ECE1: variants seen among roughly 807,000 people sequenced by gnomAD.
ECE1 encodes the protein endothelin-converting enzyme 1.
Under a neutral mutation model 98.6 loss-of-function variants are expected in ECE1, and 35 were observed. The ratio of observed to expected loss-of-function variants is 0.35; its 90% CI spans 0.27 to 0.47. ECE1 has a LOEUF of 0.47. ECE1 is among the 20% of genes least tolerant of loss of function. ECE1 has a pLI of 1.00. For missense variants in ECE1, 814 were observed against 1,025.3 expected, an observed-to-expected ratio of 0.79 and a Z score of 2.81; for synonymous variants, 394 against 407.1, an observed-to-expected ratio of 0.97 and a Z score of 0.39.
At chr1:21,296,713 G>C (rs1029507339) in intron 1 of ECE1, among the ~76,000 whole-genome samples, 1 of 152,168 alleles carries the variant, frequency 6.6e-6, no homozygotes, top group African/African-American at 2.4e-5. Flanking sequence ...GCCAGAGCTG[G>C]AGCCCAAACC....
chr1:21,224,031 CT>C (rs995922954), intron 17 of ECE1, among the ~76,000 whole-genome samples: 3 of 152,130 alleles, frequency 2.0e-5, no homozygotes, highest in Non-Finnish European at 2.9e-5. Context: ...CTGGAGTGGT[CT>C]GGTCCCCGCA....
chr1:21,345,346 C>T lies in ECE1; in HGVS notation c.3+30G>A. ...CCGCGACCGTCGAGGCTGGGCTGGA[C>T]CGGACCAGACCTCCGCGCGCAGCAC... On this transcript the variant is annotated intron_variant, in intron 1 of 18. Transcript: ENST00000415912. This position sits in a 1 kb window ranked among gnomAD's most constrained non-coding sequence, Gnocchi z 5.1. The T allele has an allele frequency of 2.2e-6, 3 of 1,356,126 alleles. No individual in the cohort carries two copies. In the East Asian group the frequency reaches 1.0e-4, roughly 45 times the overall value. The allele number at this position is 1,356,126 out of a possible 1,614,324, so 84.0% of individuals were successfully genotyped here.
Position 21,330,133 on chromosome 1 carries a change from C to CTT in ECE1, c.3+15241_3+15242dup, listed in dbSNP as rs397860522. On this transcript the variant is annotated intron_variant, in intron 1 of 18. Coordinates refer to the ECE1 transcript ENST00000415912. ...CTCCTGCCCACATACTCACTAAATACTTTTTTTTTTTTTTTTTTTTTTTTG... is the reference window on the plus strand; with the variant it reads ...CTCCTGCCCACATACTCACTAAATACTTTTTTTTTTTTTTTTTTTTTTTTTTG... Among the ~76,000 whole-genome samples, 131 of 86,500 alleles carry CTT rather than the reference C, an allele frequency of 1.5e-3. 11 individuals carry two copies. The highest frequency in any genetic ancestry group is 6.9e-3 in the African/African-American group (117 of 16,878). 56.7% of individuals were successfully genotyped at this position (86,500 alleles called of 152,430 possible). A position where few individuals can be genotyped will look rare whatever the true frequency, so the allele number is the denominator to read the frequency against.
chr1:21,252,954 T>TA (rs1327865607), intron 8 of ECE1, among the ~76,000 whole-genome samples: 9 of 152,248 alleles, frequency 5.9e-5, no homozygotes, highest in Admixed American at 3.3e-4. Flanking sequence ...TACCTCAACT[T>TA]ATTCTCCAAC....
rs1433110383 is a variant in ECE1, at chr1:21,235,195, CAAG to C, written c.1566+652_1566+654del. On this transcript the variant is annotated intron_variant, in intron 13 of 18. Coordinates refer to ENST00000374893, the MANE Select transcript of ECE1 (RefSeq NM_001397.3). This position sits in a 1 kb window ranked among gnomAD's most constrained non-coding sequence, Gnocchi z 4.2. ...TACCTGAATTCAAGTATTTCAATCA[CAAG>C]AAGATATAAAACTTCATAATTTGAG... Among the ~76,000 whole-genome samples the C allele has an allele frequency of 3.3e-5, 5 of 152,172 alleles. No homozygotes were observed. Among genetic ancestry groups the C allele is most frequent in the African/African-American group, 1.2e-4 (5 of 41,446 alleles).
intron 1 of ECE1, among the ~76,000 whole-genome samples, chr1:21,335,706 A>T (rs1490850333): frequency 2.6e-5 from 4 of 152,208 alleles, no homozygotes; most frequent in African/African-American, 9.7e-5. Flanking sequence ...GTCCTTCTGC[A>T]AGCTACAGGC....
rs1449717998 is a variant in ECE1 at position 21,225,865 on chromosome 1, T to A, written c.1850-425A>T. Among the ~76,000 whole-genome samples, 2 of 149,632 alleles carry A rather than the reference T, an allele frequency of 1.3e-5. No individual in the cohort carries two copies. The highest frequency in any genetic ancestry group is 3.9e-4 in the East Asian group (2 of 5,114). ...GCCGCCATGCCTAGCTGATTTCTGT[T>A]TTTTTTTTTAGTAGAGATGGGGTCT... On this transcript the variant is annotated intron_variant, in intron 16 of 18. Transcript: ENST00000374893. This position sits in a 1 kb window ranked among gnomAD's most constrained non-coding sequence, Gnocchi z 5.3.
intron 11 of ECE1, among the ~76,000 whole-genome samples, chr1:21,237,256 T>G (rs185973249): frequency 6.6e-6 from 1 of 152,144 alleles, no homozygotes; most frequent in Non-Finnish European, 1.5e-5. Flanking sequence ...TCTAGAGTAC[T>G]CATGTTCCGA....
intron 17 of ECE1, among the ~76,000 whole-genome samples, chr1:21,222,460 T>A (rs2098168712): frequency 6.6e-6 from 1 of 152,140 alleles, no homozygotes; most frequent in African/African-American, 2.4e-5. Context: ...GCAAACCTTT[T>A]CTGTGGATGG....
At chr1:21,308,750 G>A (rs1413553028) in intron 1 of ECE1, among the ~76,000 whole-genome samples, 2 of 150,934 alleles carry the variant, frequency 1.3e-5, no homozygotes, top group Admixed American at 1.3e-4. Flanking sequence ...GGGTACTGAG[G>A]GGCGAGCTGG....
At chr1:21,253,528 C>T (rs12751705) in intron 8 of ECE1, among the ~76,000 whole-genome samples, 7,845 of 150,276 alleles carry the variant, frequency 0.052, 273 homozygotes, top group Non-Finnish European at 0.078. Context: ...TCTGGGAGGC[C>T]GAGGCGGGCA....
At position 21,260,004 on chromosome 1, in the gene ECE1, CACAG is replaced by C. The variant is rs1310588725; in HGVS notation, c.615+263_615+266del. The stretch of plus-strand genomic sequence containing the variant: ...CCACACACAGATGCACAGAGAGACA[CACAG>C]ACAGATGACAGACATCTACAACAGA... On this transcript the variant is annotated intron_variant, in intron 5 of 18. Coordinates refer to ENST00000374893, the MANE Select transcript of ECE1 (RefSeq NM_001397.3). The surrounding 1 kb of genome is among the most constrained non-coding windows in gnomAD (Gnocchi z 4.3). 3.9e-5 allele frequency among the ~76,000 whole-genome samples: 6 copies of C among 152,236 alleles called. No individual in the cohort carries two copies. Among genetic ancestry groups the C allele is most frequent in the Non-Finnish European group, 8.8e-5 (6 of 68,034 alleles).
chr1:21,258,556 A>T lies in ECE1; in HGVS notation c.762+137T>A. The T allele has an allele frequency of 7.2e-7, 1 of 1,394,178 alleles. No individual in the cohort carries two copies. The highest frequency in any genetic ancestry group is 9.9e-7 in the Non-Finnish European group (1 of 1,010,230). 86.4% of individuals were successfully genotyped at this position (1,394,178 alleles called of 1,614,324 possible). On this transcript the variant is annotated intron_variant, in intron 6 of 18. Coordinates refer to ENST00000374893, the MANE Select transcript of ECE1 (RefSeq NM_001397.3). The surrounding 1 kb of genome is among the most constrained non-coding windows in gnomAD (Gnocchi z 4.2). Reference sequence around the variant, plus strand: ...AGATCTCACCAGTGGGGCCTCTGGAAATAACCCAGGCTCAGAAACTAGAAG... The same window carrying T: ...AGATCTCACCAGTGGGGCCTCTGGATATAACCCAGGCTCAGAAACTAGAAG...
chr1:21,223,381 T>C (rs1180607202), intron 17 of ECE1, among the ~76,000 whole-genome samples: 2 of 152,150 alleles, frequency 1.3e-5, no homozygotes, highest in Admixed American at 1.3e-4. Context: ...CTCTGCCTCC[T>C]GGGTTTAAAA....
rs1278685149 is a variant in ECE1 at position 21,298,520 on chromosome 1, C to A, written c.4-8364G>T. On this transcript the variant is annotated intron_variant, in intron 1 of 18. Transcript: ENST00000415912. ...TGGTGCCGACCCCAAAGGATCCTTA[C>A]ACGTCTTAAAAAAGTGAGCCACGGA... is the stretch of plus-strand genomic sequence containing the variant. 4 of 340,384 alleles carry A rather than the reference C, an allele frequency of 1.2e-5. No homozygotes were observed. The East Asian group carries it at 2.2e-4, about 19-fold the overall frequency. 21.1% of individuals were successfully genotyped at this position (340,384 alleles called of 1,614,324 possible).
rs1558398352 is a variant in ECE1, at chr1:21,264,317, CCCCT to C, written c.494-3929_494-3926del. 1.9e-4 allele frequency among the ~76,000 whole-genome samples: 16 copies of C among 82,514 alleles called. 1 individual carries two copies. The highest frequency in any genetic ancestry group is 1.2e-3 in the Admixed American group (10 of 8,538). 54.1% of individuals were successfully genotyped at this position (82,514 alleles called of 152,430 possible). On this transcript the variant is annotated intron_variant, in intron 4 of 18. Coordinates refer to ENST00000374893, the MANE Select transcript of ECE1 (RefSeq NM_001397.3). Reference sequence around the variant, plus strand: ...CACTGGAATATACCAATTCCCCCCCCCCCTTTTTTTTTTTTGACACTGAGTCTCG... The same window carrying C: ...CACTGGAATATACCAATTCCCCCCCCTTTTTTTTTTTGACACTGAGTCTCG...
intron 1 of ECE1, among the ~76,000 whole-genome samples, chr1:21,297,086 C>T (rs929898376): frequency 1.3e-5 from 2 of 152,208 alleles, no homozygotes; most frequent in Non-Finnish European, 2.9e-5. Flanking sequence ...ACCACTCTGG[C>T]GTGGCCCCGA....
rs1314108959 is a variant in ECE1, at chr1:21,233,277, G to A, written c.1670+281C>T. The A allele has an allele frequency of 1.5e-5, 6 of 388,878 alleles. No homozygotes were observed. Among genetic ancestry groups the A allele is most frequent in the Non-Finnish European group, 2.9e-5 (6 of 207,530 alleles). 24.1% of individuals were successfully genotyped at this position (388,878 alleles called of 1,614,324 possible). ...AGGCTCCAAATCCCAAAGCAGTGGA[G>A]CGGAGACAAGGTGCCAGATCGGCTC... On this transcript the variant is annotated intron_variant, in intron 14 of 18. Coordinates refer to ENST00000374893, the MANE Select transcript of ECE1 (RefSeq NM_001397.3). The surrounding 1 kb of genome is among the most constrained non-coding windows in gnomAD (Gnocchi z 4.0).
chr1:21,224,121 CT>C (rs1342615518), intron 17 of ECE1, among the ~76,000 whole-genome samples: 2 of 152,104 alleles, frequency 1.3e-5, no homozygotes, highest in Non-Finnish European at 2.9e-5. Context: ...TCTGCACTTG[CT>C]CTTCCTCTTG....
Sources: gnomAD v4.1 joint callset for allele counts (sites outside exome capture counted in the v4.1 genomes callset) on GRCh38, gnomAD v4.1.1 for gene constraint, Gnocchi (gnomAD v3.1) non-coding constraint, MANE v1.5 for transcripts, NCBI Gene and HGNC (gene_info 2026-07-23, HGNC 2026-07-21) for gene names.